ROBO2: variants seen among roughly 807,000 people sequenced by gnomAD.
ROBO2 encodes the protein roundabout homolog 2.
In ROBO2, 53 loss-of-function variants were observed where a neutral mutation model predicts 160.8. The observed-to-expected ratio is 0.33, with a 90% CI of 0.26 to 0.41. The LOEUF (loss-of-function observed/expected upper bound fraction) is 0.41. Among genes scored for constraint, ROBO2 ranks in the 10% least tolerant of loss-of-function variants. The probability of loss-of-function intolerance (pLI) is 1.00; values close to 1 mark genes in which losing one functional copy is unlikely to be tolerated. For missense variants in ROBO2, 1,577 were observed against 1,722.4 expected (o/e 0.92, Z 1.49); for synonymous variants, 664 against 611.7 (o/e 1.09, Z -1.26).
chr3:76,403,068 G>T (rs2077933294), intron 2 of ROBO2, among the ~76,000 whole-genome samples: 1 of 151,524 alleles, frequency 6.6e-6, no homozygotes. Context: ...ATTCATTCTA[G>T]ATACATACAA....
chr3:76,916,937 A>T (rs192246108), intron 2 of ROBO2, among the ~76,000 whole-genome samples: 91 of 152,260 alleles, frequency 6.0e-4, no homozygotes, highest in African/African-American at 2.1e-3. Flanking sequence ...AGGAACAGAG[A>T]AACTTCTAGT....
At chr3:76,652,269 A>G (rs1227972210) in intron 2 of ROBO2, among the ~76,000 whole-genome samples, 2 of 152,182 alleles carry the variant, frequency 1.3e-5, no homozygotes, top group Non-Finnish European at 2.9e-5. Context: ...AGTATGTACC[A>G]TTATCTGAGG....
intron 2 of ROBO2, among the ~76,000 whole-genome samples, chr3:76,665,832 T>G (rs923638580): frequency 3.4e-5 from 5 of 148,112 alleles, no homozygotes; most frequent in Non-Finnish European, 5.9e-5. Flanking sequence ...CTATATTTCA[T>G]TTATTAAAAA....
rs148177506 is a variant in ROBO2 at position 76,652,343 on chromosome 3, T to C, written c.110-445671T>C. Among the ~76,000 whole-genome samples the C allele has an allele frequency of 1.1e-3, 165 of 152,308 alleles. 3 individuals are homozygous for C. Among genetic ancestry groups the C allele is most frequent in the African/African-American group, 3.8e-3 (157 of 41,574 alleles). On this transcript the variant is annotated intron_variant, in intron 2 of 26. Transcript: ENST00000487694. ...GCATTGTTAAATTTCTGTGACAAGA[T>C]GGTTAGTTGGTATTAACAATCCCAC...
chr3:76,199,351 A>G (rs369025648), intron 2 of ROBO2, among the ~76,000 whole-genome samples: 5 of 152,076 alleles, frequency 3.3e-5, no homozygotes, highest in African/African-American at 1.2e-4. Context: ...AAAAATGGGT[A>G]CCTTGGTCCT....
chr3:77,291,349 A>G (rs191370803), intron 2 of ROBO2, among the ~76,000 whole-genome samples: 1 of 151,944 alleles, frequency 6.6e-6, no homozygotes. Context: ...CGTAAAGTAA[A>G]ATTGACGGTT....
intron 2 of ROBO2, among the ~76,000 whole-genome samples, chr3:76,410,656 C>G (rs567161854): frequency 6.6e-6 from 1 of 151,902 alleles, no homozygotes; most frequent in African/African-American, 2.4e-5. Flanking sequence ...GTTTGAACAC[C>G]CGATTATGTA....
intron 2 of ROBO2, among the ~76,000 whole-genome samples, chr3:76,244,304 G>A (rs759596350): frequency 3.9e-5 from 6 of 152,152 alleles, no homozygotes; most frequent in Non-Finnish European, 5.9e-5. Context: ...GGACCTAGGG[G>A]TGATGAAGTA....
chr3:77,515,819 T>C (rs374125489), intron 5 of ROBO2, among the ~76,000 whole-genome samples: 5 of 151,702 alleles, frequency 3.3e-5, no homozygotes, highest in East Asian at 3.9e-4. Context: ...TTGCTACCGA[T>C]GAATTCCAGG....
At chr3:77,603,713 A>C (rs1332156607) in intron 20 of ROBO2, 1 of 152,216 alleles carries the variant, frequency 6.6e-6, no homozygotes, top group Admixed American at 6.5e-5. Context: ...TTACTGGACA[A>C]AAATATATAC....
intron 2 of ROBO2, among the ~76,000 whole-genome samples, chr3:76,793,939 A>C (rs139728443): frequency 6.6e-6 from 1 of 151,986 alleles, no homozygotes; most frequent in East Asian, 1.9e-4. Flanking sequence ...TTTTTTGAAG[A>C]GTTTGAGATC....
At chr3:77,553,187 C>T (rs905012833) in intron 8 of ROBO2, among the ~76,000 whole-genome samples, 13 of 151,784 alleles carry the variant, frequency 8.6e-5, no homozygotes, top group Admixed American at 1.3e-4. Context: ...ATTATTATTC[C>T]ATCTGTTATG....
intron 2 of ROBO2, among the ~76,000 whole-genome samples, chr3:76,702,549 GAC>G (rs2093067980): frequency 1.1e-5 from 1 of 91,870 alleles, no homozygotes; most frequent in African/African-American, 6.4e-5. Flanking sequence ...GAGAGAAATA[GAC>G]AGAGAAAGAG....
At chr3:77,520,340 A>G (rs1411648480) in intron 5 of ROBO2, among the ~76,000 whole-genome samples, 1 of 151,260 alleles carries the variant, frequency 6.6e-6, no homozygotes, top group Non-Finnish European at 1.5e-5. Context: ...TGATAACATG[A>G]CTTTGAACAG....
rs76859712 is a variant in ROBO2 at position 77,623,067 on chromosome 3, A to G, written c.3760+635A>G. On this transcript the variant is annotated intron_variant, in intron 23 of 25. Coordinates refer to ENST00000461745, the Ensembl canonical transcript of ROBO2. Reference sequence around the variant, plus strand: ...GAAAGAGTTGCATTGGTACTCTTCTATGATGATCCCAGGACTAAGGTATAA... The same window carrying G: ...GAAAGAGTTGCATTGGTACTCTTCTGTGATGATCCCAGGACTAAGGTATAA... 5.1e-3 allele frequency among the ~76,000 whole-genome samples: 782 copies of G among 152,274 alleles called. 13 individuals are homozygous for G. The highest frequency in any genetic ancestry group is 0.018 in the African/African-American group (758 of 41,556).
At chr3:76,879,724 T>C (rs891056637) in intron 2 of ROBO2, among the ~76,000 whole-genome samples, 3 of 152,120 alleles carry the variant, frequency 2.0e-5, no homozygotes, top group Non-Finnish European at 4.4e-5. Context: ...GAAACTAATA[T>C]ATATTGTACC....
chr3:76,640,596 AG>A (rs2090619868), intron 2 of ROBO2, among the ~76,000 whole-genome samples: 8 of 147,142 alleles, frequency 5.4e-5, no homozygotes, highest in Middle Eastern at 3.5e-3. Context: ...TTTGCGTGTG[AG>A]TGTGTGTGTG....
At chr3:76,645,759 A>G (rs2090934446) in intron 2 of ROBO2, among the ~76,000 whole-genome samples, 1 of 152,186 alleles carries the variant, frequency 6.6e-6, no homozygotes, top group Non-Finnish European at 1.5e-5. Flanking sequence ...GACTTTATAG[A>G]TAAGGAAAGA....
intron 2 of ROBO2, among the ~76,000 whole-genome samples, chr3:76,231,422 C>T (rs1476787319): frequency 2.0e-5 from 3 of 152,110 alleles, no homozygotes; most frequent in East Asian, 1.9e-4. Context: ...ATCTGTAATG[C>T]GAGTTACCCT....
Sources: allele counts gnomAD v4.1 joint callset (sites outside exome capture counted in the v4.1 genomes callset), GRCh38; gene constraint gnomAD v4.1.1; transcripts MANE v1.5; gene names NCBI Gene and HGNC (gene_info 2026-07-23, HGNC 2026-07-21).